The following PRKN variants were observed in gnomAD, a reference collection of about 807,000 sequenced individuals.
PRKN encodes the protein E3 ubiquitin-protein ligase parkin.
In PRKN, 56 loss-of-function variants were observed where a neutral mutation model predicts 59.5. The observed-to-expected ratio is 0.94, with a 90% confidence interval of 0.76 to 1.18. The LOEUF is 1.18. Ranked by LOEUF, PRKN falls within the 50% of genes most tolerant of loss-of-function variation. The pLI is 0.00. For missense variants in PRKN, 657 were observed against 596.4 expected (o/e 1.10, Z -1.06); for synonymous variants, 250 against 222.1 (o/e 1.13, Z -1.12).
At chr6:162,488,027 C>CTTTTTTTGTT (rs1562323928) in intron 1 of PRKN, among the ~76,000 whole-genome samples, 6 of 109,772 alleles carry the variant, frequency 5.5e-5, no homozygotes, top group Non-Finnish European at 7.6e-5. Context: ...CACCATTTCC[C>CTTTTTTTGTT]TTTTTTTTTT....
At chr6:161,573,044 A>G (rs562067639) in intron 7 of PRKN, among the ~76,000 whole-genome samples, 9 of 152,250 alleles carry the variant, frequency 5.9e-5, no homozygotes, top group African/African-American at 2.2e-4. Context: ...GAGTGAGAAA[A>G]GAGTGGATAG....
chr6:161,597,345 A>C (rs1229255804), intron 7 of PRKN, among the ~76,000 whole-genome samples: 1 of 152,210 alleles, frequency 6.6e-6, no homozygotes, highest in Admixed American at 6.5e-5. Context: ...TGCTCCATGA[A>C]TATTTTCATA....
At chr6:162,546,536 T>C (rs1480539097) in intron 1 of PRKN, among the ~76,000 whole-genome samples, 1 of 151,900 alleles carries the variant, frequency 6.6e-6, no homozygotes. Flanking sequence ...CTCCCCCTCT[T>C]GGGTTCAAGC....
At chr6:161,826,872 T>C (rs1044921333) in intron 6 of PRKN, among the ~76,000 whole-genome samples, 2 of 152,232 alleles carry the variant, frequency 1.3e-5, no homozygotes, top group Non-Finnish European at 2.9e-5. Context: ...GGAAGACTTA[T>C]GTTCTTCTCT....
intron 1 of PRKN, among the ~76,000 whole-genome samples, chr6:162,505,384 T>C (rs1366834851): frequency 6.6e-6 from 1 of 152,150 alleles, no homozygotes; most frequent in Non-Finnish European, 1.5e-5. Context: ...TAGAGCAATT[T>C]TTCTCAAAAT....
intron 9 of PRKN, among the ~76,000 whole-genome samples, chr6:161,452,548 G>GT (rs970729064): frequency 6.6e-6 from 1 of 152,126 alleles, no homozygotes; most frequent in African/African-American, 2.4e-5. Flanking sequence ...TTGGTTCTGT[G>GT]TTTTTTAATT....
intron 10 of PRKN, among the ~76,000 whole-genome samples, chr6:161,368,703 C>A (rs1298689477): frequency 6.6e-6 from 1 of 151,374 alleles, no homozygotes; most frequent in African/African-American, 2.4e-5. Context: ...AGCACTGCAA[C>A]TCCACTCCCA....
chr6:162,626,418 C>A (rs996833578), intron 1 of PRKN, among the ~76,000 whole-genome samples: 1 of 152,126 alleles, frequency 6.6e-6, no homozygotes. Context: ...GAATGACTCT[C>A]GAATTAATCA....
rs563385564 is a variant in PRKN at position 162,297,206 on chromosome 6, C to T, written c.172-34441G>A. Among the ~76,000 whole-genome samples the T allele has an allele frequency of 2.2e-4, 27 of 123,228 alleles. No homozygotes were observed. In the South Asian group the frequency reaches 5.6e-3, roughly 26 times the overall value. 80.8% of individuals were successfully genotyped at this position (123,228 alleles called of 152,430 possible). A position where few individuals can be genotyped will look rare whatever the true frequency, so the allele number is the denominator to read the frequency against. On this transcript the variant is annotated intron_variant, in intron 2 of 11. Coordinates refer to ENST00000366898, the MANE Select transcript of PRKN (RefSeq NM_004562.3). ...TTTTTTTTTGTAAGCATCTTAGTTT[C>T]GCAAAGGCAGCTGGCTGTGATGGTA...
At chr6:162,410,881 G>C (rs1378313686) in intron 2 of PRKN, among the ~76,000 whole-genome samples, 2 of 152,104 alleles carry the variant, frequency 1.3e-5, no homozygotes, top group Admixed American at 1.3e-4. Context: ...ACTGTGACAG[G>C]GAAGAAGGAG....
intron 2 of PRKN, among the ~76,000 whole-genome samples, chr6:162,354,958 C>A (rs1334635097): frequency 2.0e-5 from 3 of 151,324 alleles, no homozygotes; most frequent in Non-Finnish European, 4.4e-5. Flanking sequence ...TTTCCTCAGT[C>A]AATTAAAAAA....
intron 9 of PRKN, among the ~76,000 whole-genome samples, chr6:161,521,458 G>A (rs1446424920): frequency 2.0e-5 from 3 of 152,138 alleles, no homozygotes; most frequent in Admixed American, 1.3e-4. Context: ...AAGATACAGT[G>A]GTTGCCCTGG....
intron 6 of PRKN, among the ~76,000 whole-genome samples, chr6:161,789,189 A>T (rs935417565): frequency 6.6e-6 from 1 of 152,200 alleles, no homozygotes; most frequent in African/African-American, 2.4e-5. Context: ...TTAATCACCT[A>T]AGGAAAGGAG....
intron 1 of PRKN, among the ~76,000 whole-genome samples, chr6:162,444,411 C>T (rs1790209044): frequency 6.6e-6 from 1 of 151,912 alleles, no homozygotes; most frequent in Non-Finnish European, 1.5e-5. Context: ...TCCAAGATCC[C>T]TTTCATCTAG....
chr6:162,418,386 G>A (rs1562750074), intron 2 of PRKN, among the ~76,000 whole-genome samples: 1 of 152,114 alleles, frequency 6.6e-6, no homozygotes. Flanking sequence ...TTCTTTTGGG[G>A]TTGATGAAAG....
In PRKN at chr6:162,097,122, C is replaced by T. The variant is rs146468728; in HGVS notation, c.535-42948G>A. ...TGAACTCCTGACCTCGTGATCTGCC[C>T]GCCTTGGCCTCCCACAGTGCTGGGA... On this transcript the variant is annotated intron_variant, in intron 4 of 11. Transcript: ENST00000366898. Among the ~76,000 whole-genome samples the T allele has an allele frequency of 7.3e-3, 1,109 of 152,166 alleles. 9 individuals are homozygous for T. Among genetic ancestry groups the T allele is most frequent in the Middle Eastern group, 0.014 (4 of 294 alleles).
intron 7 of PRKN, among the ~76,000 whole-genome samples, chr6:161,719,235 T>A (rs910694117): frequency 6.7e-5 from 10 of 149,822 alleles, no homozygotes; most frequent in Non-Finnish European, 1.3e-4. Flanking sequence ...TTTTTTTTTT[T>A]AAGTATTTTT....
chr6:162,207,021 T>C (rs1268666353), intron 3 of PRKN, among the ~76,000 whole-genome samples: 2 of 152,150 alleles, frequency 1.3e-5, no homozygotes, highest in South Asian at 2.1e-4. Context: ...ATGAAATTCA[T>C]TTGGACTGGA....
At chr6:161,991,867 C>G (rs1020508305) in intron 5 of PRKN, among the ~76,000 whole-genome samples, 1 of 151,718 alleles carries the variant, frequency 6.6e-6, no homozygotes, top group Non-Finnish European at 1.5e-5. Flanking sequence ...AACAAAGCAA[C>G]AACAAAAAAA....
Sources: gnomAD v4.1 joint callset for allele counts (sites outside exome capture counted in the v4.1 genomes callset) on GRCh38, gnomAD v4.1.1 for gene constraint, MANE v1.5 for transcripts, NCBI Gene and HGNC (gene_info 2026-07-23, HGNC 2026-07-21) for gene names.